The following KCNAB1 variants were observed in gnomAD, a reference collection of about 807,000 sequenced individuals.
The protein encoded by KCNAB1 is voltage-gated potassium channel subunit beta-1.
A neutral mutation model predicts 64.6 loss-of-function variants in KCNAB1; 35 were observed. The ratio of observed to expected loss-of-function variants is 0.54; its 90% confidence interval spans 0.41 to 0.72. The LOEUF (loss-of-function observed/expected upper bound fraction) is 0.72. Among genes scored for constraint, KCNAB1 ranks in the 30% least tolerant of loss-of-function variants. KCNAB1 has a pLI of 0.00. For synonymous variants in KCNAB1, 177 were observed against 183.8 expected (o/e 0.96, Z 0.30); for missense variants, 401 against 512.9 (o/e 0.78, Z 2.11).
intron 1 of KCNAB1, among the ~76,000 whole-genome samples, chr3:156,403,666 G>A (rs998617400): frequency 1.3e-5 from 2 of 152,074 alleles, no homozygotes; most frequent in Non-Finnish European, 2.9e-5. Flanking sequence ...AGGCCGAGGT[G>A]GGCAGATCAT....
intron 8 of KCNAB1, among the ~76,000 whole-genome samples, chr3:156,494,496 T>C (rs922823480): frequency 5.9e-5 from 9 of 152,196 alleles, no homozygotes; most frequent in African/African-American, 1.9e-4. Flanking sequence ...TTTCCTGCTT[T>C]ATTGTAGACA....
chr3:156,334,625 G>A (rs756104104), intron 1 of KCNAB1, among the ~76,000 whole-genome samples: 7 of 152,176 alleles, frequency 4.6e-5, no homozygotes, highest in Non-Finnish European at 1.0e-4. Context: ...ACAGTGCCCA[G>A]CATCTAAAAG....
rs6776031 is a variant in KCNAB1 at position 156,233,058 on chromosome 3, C to T, written c.275+112172C>T. The stretch of plus-strand genomic sequence containing the variant: ...AATCTCAAGGTCCAACTCTTAGATT[C>T]TTTCAAAAAATAATAGTTCTGCACT... On this transcript the variant is annotated intron_variant, in intron 1 of 13. Transcript: ENST00000490337. Among the ~76,000 whole-genome samples the T allele has an allele frequency of 9.0e-3, 1,374 of 152,194 alleles. 32 individuals are homozygous for T. The highest frequency in any genetic ancestry group is 0.031 in the African/African-American group (1,273 of 41,522).
At chr3:156,464,813 A>G (rs915846056) in intron 6 of KCNAB1, among the ~76,000 whole-genome samples, 3 of 152,174 alleles carry the variant, frequency 2.0e-5, no homozygotes, top group Admixed American at 1.3e-4. Context: ...CCGAGCTTTG[A>G]TTCACAGTGC....
At chr3:156,249,339 G>A (rs562827962) in intron 1 of KCNAB1, among the ~76,000 whole-genome samples, 1 of 152,088 alleles carries the variant, frequency 6.6e-6, no homozygotes, top group African/African-American at 2.4e-5. Flanking sequence ...GAGGCAGATG[G>A]ATCACCTGAG....
intron 2 of KCNAB1, among the ~76,000 whole-genome samples, chr3:156,446,580 A>G (rs1483153996): frequency 6.6e-6 from 1 of 152,188 alleles, no homozygotes; most frequent in African/African-American, 2.4e-5. Flanking sequence ...CATTAAATCT[A>G]TATTGAAATG....
intron 1 of KCNAB1, among the ~76,000 whole-genome samples, chr3:156,371,315 G>A (rs1159464438): frequency 6.6e-6 from 1 of 152,120 alleles, no homozygotes; most frequent in Non-Finnish European, 1.5e-5. Flanking sequence ...AACCTCTTGA[G>A]CTTCAGTTTT....
intron 1 of KCNAB1, among the ~76,000 whole-genome samples, chr3:156,380,696 T>C (rs1433194187): frequency 3.9e-5 from 6 of 152,162 alleles, no homozygotes; most frequent in African/African-American, 1.4e-4. Context: ...TTAGGGAAAT[T>C]AGAAACTAGG....
intron 1 of KCNAB1, among the ~76,000 whole-genome samples, chr3:156,129,632 G>A (rs1713877455): frequency 6.6e-6 from 1 of 152,186 alleles, no homozygotes; most frequent in Non-Finnish European, 1.5e-5. Context: ...ATAGAGTTGA[G>A]AAAATTAAAT....
At chr3:156,521,094 C>CTAA (rs1214775714) in intron 11 of KCNAB1, among the ~76,000 whole-genome samples, 2 of 152,128 alleles carry the variant, frequency 1.3e-5, no homozygotes, top group African/African-American at 2.4e-5. Flanking sequence ...ATACATAAAA[C>CTAA]TAATAGCCAA....
intron 8 of KCNAB1, among the ~76,000 whole-genome samples, chr3:156,503,313 T>C (rs1047874538): frequency 1.3e-5 from 2 of 152,194 alleles, no homozygotes; most frequent in African/African-American, 2.4e-5. Context: ...GGGGTGGTGA[T>C]AAAAGAATTA....
At chr3:156,250,067 C>T (rs997181986) in intron 1 of KCNAB1, among the ~76,000 whole-genome samples, 3 of 152,160 alleles carry the variant, frequency 2.0e-5, no homozygotes, top group East Asian at 1.9e-4. Flanking sequence ...TAGAAGGATG[C>T]GGGCTCTGGG....
At chr3:156,406,481 T>C (rs1714256007) in intron 1 of KCNAB1, among the ~76,000 whole-genome samples, 2 of 152,084 alleles carry the variant, frequency 1.3e-5, no homozygotes, top group African/African-American at 4.8e-5. Flanking sequence ...CAGCTCTTCC[T>C]GGGGAAGCCC....
intron 1 of KCNAB1, among the ~76,000 whole-genome samples, chr3:156,380,373 C>T (rs1712058508): frequency 6.6e-6 from 1 of 152,208 alleles, no homozygotes; most frequent in Non-Finnish European, 1.5e-5. Flanking sequence ...TAGCTATATG[C>T]ATTCCTTGGT....
chr3:156,514,352 G>T lies in KCNAB1; in HGVS notation c.659-12G>T. 1 of 1,609,476 alleles carries T rather than the reference G, an allele frequency of 6.2e-7. No individual in the cohort carries two copies. The highest frequency in any genetic ancestry group is 1.1e-5 in the South Asian group (1 of 90,954). ...CAAATTCATGAAATGCTGTCTGTTT[G>T]ACCTTCCACAGAAATTGTCCGAGCC... On this transcript the variant is annotated splice_polypyrimidine_tract_variant and intron_variant, in intron 8 of 13. Transcript: ENST00000490337.
chr3:156,361,041 C>T (rs1216531566), intron 1 of KCNAB1, among the ~76,000 whole-genome samples: 2 of 152,178 alleles, frequency 1.3e-5, no homozygotes, highest in African/African-American at 4.8e-5. Context: ...GTAAAACCCT[C>T]CAATGTCTTC....
chr3:156,257,083 A>G (rs577540151), intron 1 of KCNAB1, among the ~76,000 whole-genome samples: 1 of 152,326 alleles, frequency 6.6e-6, no homozygotes, highest in East Asian at 1.9e-4. Flanking sequence ...CTTCAGGGAC[A>G]TTCCCATTAT....
At chr3:156,132,929 T>C (rs1022160662) in intron 1 of KCNAB1, among the ~76,000 whole-genome samples, 2 of 152,224 alleles carry the variant, frequency 1.3e-5, no homozygotes, top group South Asian at 4.1e-4. Context: ...AAGGTATATA[T>C]ACATTTTTGT....
At chr3:156,129,165 T>A (rs1713841432) in intron 1 of KCNAB1, among the ~76,000 whole-genome samples, 1 of 152,202 alleles carries the variant, frequency 6.6e-6, no homozygotes, top group South Asian at 2.1e-4. Flanking sequence ...ATTTTTTTTT[T>A]CTTCTTTTCC....
Sources: allele counts gnomAD v4.1 joint callset (sites outside exome capture counted in the v4.1 genomes callset), GRCh38; gene constraint gnomAD v4.1.1; transcripts MANE v1.5; gene names NCBI Gene and HGNC (gene_info 2026-07-23, HGNC 2026-07-21).